PDPR: variants seen among roughly 807,000 people sequenced by gnomAD.
PDPR encodes pyruvate dehydrogenase phosphatase regulatory subunit, also known as pyruvate dehydrogenase phosphatase regulatory subunit, mitochondrial.
A neutral mutation model predicts 102.2 loss-of-function variants in PDPR; 50 were observed. The ratio of observed to expected loss-of-function variants is 0.49; its 90% CI spans 0.39 to 0.62. The LOEUF (loss-of-function observed/expected upper bound fraction) is 0.62. Among genes scored for constraint, PDPR ranks in the 20% least tolerant of loss-of-function variants. The pLI, the probability that PDPR is intolerant of heterozygous loss-of-function variation, is 0.00. For synonymous variants in PDPR, 259 were observed against 406.0 expected (o/e 0.64, Z 4.35); for missense variants, 625 against 1,098.2 (o/e 0.57, Z 6.09).
At chr16:70,114,147 G>T (rs1962386307), upstream of PDPR, 1 of 152,206 alleles carries the variant, frequency 6.6e-6, no homozygotes, top group Non-Finnish European at 1.5e-5. Context: ...CCGCGGGGGC[G>T]GTGCCTCGCG....
At chr16:70,122,186 C>G (rs1284868068) in intron 3 of PDPR, among the ~76,000 whole-genome samples, 1 of 152,346 alleles carries the variant, frequency 6.6e-6, no homozygotes. Context: ...AGGATTTCAC[C>G]GTGTTAGCCA....
chr16:70,128,291 A>C (rs1964184836), intron 4 of PDPR, among the ~76,000 whole-genome samples: 4 of 152,126 alleles, frequency 2.6e-5, no homozygotes, highest in Non-Finnish European at 2.9e-5. Flanking sequence ...GCAGTGGTGC[A>C]ATTTTGACCC....
chr16:70,137,739 AGAG>A (rs1271194683), intron 10 of PDPR, among the ~76,000 whole-genome samples: 2 of 152,290 alleles, frequency 1.3e-5, no homozygotes, highest in African/African-American at 2.4e-5. Flanking sequence ...CAGTTACAGA[AGAG>A]GAGTTAGAAA....
intron 9 of PDPR, among the ~76,000 whole-genome samples, chr16:70,133,407 C>T (rs1439937423): frequency 7.0e-6 from 1 of 143,386 alleles, no homozygotes; most frequent in Non-Finnish European, 1.5e-5. Flanking sequence ...CAGGCATGAG[C>T]CACTGCGTCT....
chr16:70,139,799 A>T (rs1220093310), intron 11 of PDPR, among the ~76,000 whole-genome samples: 2 of 152,224 alleles, frequency 1.3e-5, no homozygotes, highest in African/African-American at 2.4e-5. Flanking sequence ...GTATCTAAAT[A>T]TTTTGGGCAT....
At chr16:70,127,656 T>A (rs1287504007) in intron 4 of PDPR, among the ~76,000 whole-genome samples, 1 of 152,260 alleles carries the variant, frequency 6.6e-6, no homozygotes, top group Non-Finnish European at 1.5e-5. Context: ...AAATTATCCT[T>A]ACTGTACTTC....
chr16:70,116,015 C>T (rs1962600913), intron 2 of PDPR, among the ~76,000 whole-genome samples: 1 of 150,824 alleles, frequency 6.6e-6, no homozygotes. Context: ...CCTCTGCCCT[C>T]ATGCCCTCAC....
intron 11 of PDPR, among the ~76,000 whole-genome samples, chr16:70,141,090 A>G (rs1285101338): frequency 2.0e-5 from 3 of 151,964 alleles, no homozygotes; most frequent in South Asian, 2.1e-4. Flanking sequence ...GTCTTGCTCT[A>G]TTGCCCAGGC....
Position 70,156,561 on chromosome 16 carries a change from C to G in PDPR, c.2322C>G (p.Asp774Glu), listed in dbSNP as rs752069572. 2.5e-6 allele frequency: 4 copies of G among 1,614,070 alleles called. No homozygotes were observed. The East Asian group carries it at 8.9e-5, about 36-fold the overall frequency. The change falls in exon 19 of 19, where the codon GAC (aspartate) becomes GAG (glutamate). Residue 774 changes from aspartate to glutamate, a missense_variant. Asp to Glu is a conservative substitution (Grantham distance 45). Around this residue, in one of 11 missense-constraint regions of PDPR, gnomAD observed 303 missense variants for 258.9 expected, o/e 1.17. Transcript: ENST00000288050. ...YKRLTMFILD[D>E]HDSDLDLWPW... ...GCCTCACCATGTTCATCCTGGACGA[C>G]CATGATTCAGACCTAGACCTTTGGC...
In PDPR at chr16:70,153,511, G is replaced by A. The variant is rs1211037251; in HGVS notation, c.2173G>A (p.Asp725Asn). Residue 725 changes from aspartate to asparagine, a missense_variant, in exon 18 of 19, where the codon GAT becomes AAT. Around this residue, in one of 11 missense-constraint regions of PDPR, gnomAD observed 303 missense variants for 258.9 expected, o/e 1.17. Coordinates refer to ENST00000288050, the MANE Select transcript of PDPR (RefSeq NM_017990.5). ...IEKFFAFWGQ[D>N]INNLTTPLEC... ...GAAGTTTTTTGCCTTCTGGGGTCAG[G>A]ATATAAATAACCTCACCACGCCCCT... 4 of 1,612,634 alleles carry A rather than the reference G, an allele frequency of 2.5e-6. No individual in the cohort carries two copies. Among genetic ancestry groups the A allele is most frequent in the Non-Finnish European group, 3.4e-6 (4 of 1,179,426 alleles).
intron 3 of PDPR, among the ~76,000 whole-genome samples, chr16:70,123,318 C>T (rs142884335): frequency 0.015 from 2,231 of 151,724 alleles, no homozygotes; most frequent in Middle Eastern, 0.038. Context: ...CTCACTACAA[C>T]CTCTGCCTCC....
rs922795227 is a variant in PDPR at position 70,129,109 on chromosome 16, T to A, written c.594T>A (p.Ala198=). The change falls in exon 6 of 19, where the codon GCT becomes GCA. Residue 198 remains alanine (A), a synonymous_variant. Coordinates refer to ENST00000288050, the MANE Select transcript of PDPR (RefSeq NM_017990.5). ...SADVALALAS[A]ASQNGVQIYD... ...ACGTGGCTCTTGCCCTGGCAAGTGC[T>A]GCCTCCCAAAATGGTGAGCAGGTTT... 2 of 1,613,782 alleles carry A rather than the reference T, an allele frequency of 1.2e-6. No homozygotes were observed. Among genetic ancestry groups the A allele is most frequent in the Admixed American group, 3.3e-5 (2 of 60,006 alleles).
chr16:70,118,815 C>A (rs1388989698), intron 2 of PDPR, among the ~76,000 whole-genome samples: 2 of 152,174 alleles, frequency 1.3e-5, no homozygotes, highest in Non-Finnish European at 2.9e-5. Flanking sequence ...GTGGCAACCA[C>A]AAGGTGGCCA....
At chr16:70,121,531 A>G (rs560171269) in intron 3 of PDPR, among the ~76,000 whole-genome samples, 8,326 of 151,712 alleles carry the variant, frequency 0.055, 600 homozygotes, top group African/African-American at 0.19. Context: ...GTCTCTGCTA[A>G]ACATACAAAA....
chr16:70,121,641 G>A (rs1268691274), intron 3 of PDPR, among the ~76,000 whole-genome samples: 1 of 151,322 alleles, frequency 6.6e-6, no homozygotes, highest in Non-Finnish European at 1.5e-5. Flanking sequence ...GCAGTGAGCA[G>A]AGATCATGCC....
At chr16:70,128,229 T>C (rs1470046123) in intron 4 of PDPR, among the ~76,000 whole-genome samples, 1 of 152,074 alleles carries the variant, frequency 6.6e-6, no homozygotes, top group Non-Finnish European at 1.5e-5. Context: ...CTGTCTTTTT[T>C]TTTTTTCTTT....
chr16:70,137,918 G>T (rs1965314709), intron 10 of PDPR, among the ~76,000 whole-genome samples: 1 of 152,266 alleles, frequency 6.6e-6, no homozygotes, highest in Admixed American at 6.5e-5. Flanking sequence ...ACCCAGGCTG[G>T]AGTGCAGTGG....
chr16:70,127,660 G>C (rs1448609951), intron 4 of PDPR, among the ~76,000 whole-genome samples: 3 of 152,254 alleles, frequency 2.0e-5, no homozygotes, highest in African/African-American at 7.2e-5. Context: ...TATCCTTACT[G>C]TACTTCTTTT....
intron 6 of PDPR, among the ~76,000 whole-genome samples, chr16:70,129,446 G>A (rs573530542): frequency 9.8e-5 from 15 of 152,382 alleles, no homozygotes; most frequent in African/African-American, 3.6e-4. Context: ...CTGGGTTCAT[G>A]TGATCCTCCT....
Sources: gnomAD v4.1 joint callset for allele counts (sites outside exome capture counted in the v4.1 genomes callset) on GRCh38, gnomAD v4.1.1 for gene constraint, gnomAD v4.1.1 regional missense constraint, MANE v1.5 for transcripts, NCBI Gene and HGNC (gene_info 2026-07-23, HGNC 2026-07-21) for gene names.